APOL3: variants seen among roughly 807,000 people sequenced by gnomAD.
The protein encoded by APOL3 is apolipoprotein L3.
In APOL3, 14 loss-of-function variants were observed where a neutral mutation model predicts 11.6. The ratio of observed to expected loss-of-function variants is 1.21; its 90% CI spans 0.80 to 1.89. The LOEUF (loss-of-function observed/expected upper bound fraction) is 1.89, where lower values mean the gene tolerates loss of function less well. APOL3 is among the 40% of genes most tolerant of loss of function. The pLI is 0.00. For synonymous variants in APOL3, 192 were observed against 190.6 expected (o/e 1.01, Z -0.06); for missense variants, 483 against 492.1 (o/e 0.98, Z 0.17).
At chr22:36,155,709 TG>T in intron 1 of APOL3, 1 of 162,150 alleles carries the variant, frequency 6.2e-6, no homozygotes, top group Non-Finnish European at 1.4e-5. Flanking sequence ...CAGAGAGAGC[TG>T]GGGCCTCAGA....
Position 36,141,957 on chromosome 22 carries a change from C to T in APOL3, c.452G>A (p.Trp151Ter). The stretch of plus-strand genomic sequence containing the variant: ...GACTTGGGGAAACTCTTTCAAAAAC[C>T]ATTCCCTAAACTGCTCATCTTTCTG... Residue 151 changes from tryptophan to a stop codon, truncating the protein, a stop_gained, in exon 3 of 3, where the codon TGG becomes TAG. Transcript: ENST00000349314. LOFTEE classifies it low-confidence loss of function (END_TRUNC). 1 of 1,614,232 alleles carries T rather than the reference C, an allele frequency of 6.2e-7. No individual in the cohort carries two copies. Among genetic ancestry groups the T allele is most frequent in the Non-Finnish European group, 8.5e-7 (1 of 1,180,044 alleles).
At chr22:36,141,862 C>T (rs1378392201) in exon 3 of APOL3, 3 of 1,614,222 alleles carry the variant, frequency 1.9e-6, no homozygotes, top group Non-Finnish European at 8.5e-7. Context: ...ATGGTGCAGC[C>T]TCTGTGGACC....
At chr22:36,162,047 T>C (rs913551033), upstream of APOL3, among the ~76,000 whole-genome samples, 9 of 152,222 alleles carry the variant, frequency 5.9e-5, no homozygotes, top group African/African-American at 2.2e-4. Flanking sequence ...ACATCCCGCA[T>C]TCATGATAAA....
At chr22:36,160,605 C>A (rs560117183) in intron 1 of APOL3, 64 bp downstream of exon 1, 1 of 1,544,264 alleles carries the variant, frequency 6.5e-7, no homozygotes, top group Non-Finnish European at 8.9e-7. Context: ...GGTGAATGAC[C>A]CTTCTCTTAT....
intron 2 of APOL3, among the ~76,000 whole-genome samples, chr22:36,143,756 A>G (rs80576): frequency 0.89 from 136,014 of 152,254 alleles, 61,028 homozygotes; most frequent in East Asian, 0.99. Flanking sequence ...GTCACATGTC[A>G]CCAGCCAAAC....
chr22:36,153,619 C>T (rs2012202561), intron 1 of APOL3, among the ~76,000 whole-genome samples: 1 of 152,168 alleles, frequency 6.6e-6, no homozygotes, highest in African/African-American at 2.4e-5. Context: ...ATATGTGTTA[C>T]CCCAGAAAGC....
intron 1 of APOL3, among the ~76,000 whole-genome samples, chr22:36,150,419 G>T (rs1385472523): frequency 6.6e-6 from 1 of 152,040 alleles, no homozygotes; most frequent in Non-Finnish European, 1.5e-5. Context: ...CTATTAAGTG[G>T]GTACCATTTG....
exon 3 of APOL3, chr22:36,141,681 G>A (rs768889732): frequency 2.5e-6 from 4 of 1,614,042 alleles, no homozygotes; most frequent in Non-Finnish European, 3.4e-6. Flanking sequence ...TGATGTGTAT[G>A]AGTGCTCCAC....
At chr22:36,161,861 G>A (rs1248309694), upstream of APOL3, among the ~76,000 whole-genome samples, 7 of 152,264 alleles carry the variant, frequency 4.6e-5, no homozygotes, top group Non-Finnish European at 8.8e-5. Context: ...AAAAAGGTGG[G>A]GGGGTGATTG....
At chr22:36,161,885 A>C (rs1318424670), upstream of APOL3, among the ~76,000 whole-genome samples, 1 of 152,094 alleles carries the variant, frequency 6.6e-6, no homozygotes, top group African/African-American at 2.4e-5. Flanking sequence ...GGTAATTGTC[A>C]GTCAGCCGTT....
At chr22:36,162,805 A>G (rs1157170404), upstream of APOL3, among the ~76,000 whole-genome samples, 1 of 152,182 alleles carries the variant, frequency 6.6e-6, no homozygotes, top group African/African-American at 2.4e-5. Context: ...TCCTGGTAAT[A>G]TCTTAGTGCT....
At chr22:36,143,961 C>A (rs903503755) in intron 2 of APOL3, among the ~76,000 whole-genome samples, 3 of 152,150 alleles carry the variant, frequency 2.0e-5, no homozygotes, top group African/African-American at 7.2e-5. Flanking sequence ...CTCCTGAGAA[C>A]CCTTCAAATT....
chr22:36,157,118 T>C, intron 1 of APOL3: 2 of 422,718 alleles, frequency 4.7e-6, no homozygotes, highest in South Asian at 3.3e-5. Context: ...CCAGTCTTAT[T>C]ACTTTTGTAC....
chr22:36,161,675 T>G (rs2013702856), upstream of APOL3: 1 of 152,390 alleles, frequency 6.6e-6, no homozygotes, highest in South Asian at 2.1e-4. Flanking sequence ...GTTAGGCTGT[T>G]GTAATTGGCC....
At chr22:36,160,130 G>A (rs1342891416) in intron 1 of APOL3, among the ~76,000 whole-genome samples, 3 of 152,128 alleles carry the variant, frequency 2.0e-5, no homozygotes, top group East Asian at 1.9e-4. Flanking sequence ...TGATCTACCC[G>A]TCTCGGCCTC....
chr22:36,140,397 C>G (rs1389954955), exon 3 of APOL3: 2 of 152,234 alleles, frequency 1.3e-5, no homozygotes. Flanking sequence ...AGAGATCCGG[C>G]CTCCCCCAGT....
intron 1 of APOL3, chr22:36,146,116 C>T (rs1335546433): frequency 6.6e-6 from 1 of 152,366 alleles, no homozygotes; most frequent in Non-Finnish European, 1.5e-5. Flanking sequence ...CCTCCCCAGA[C>T]ATCAACCCTG....
chr22:36,148,009 CA>C (rs1290542527), intron 1 of APOL3, among the ~76,000 whole-genome samples: 1 of 152,162 alleles, frequency 6.6e-6, no homozygotes, highest in African/African-American at 2.4e-5. Context: ...CAAGGTAAAC[CA>C]AAAAACATAA....
At chr22:36,162,664 A>G (rs1051764638), upstream of APOL3, among the ~76,000 whole-genome samples, 3 of 152,000 alleles carry the variant, frequency 2.0e-5, no homozygotes, top group Admixed American at 6.5e-5. Context: ...GCTTCAATAC[A>G]CTTTGCTTTG....
Sources: gnomAD v4.1 joint callset for allele counts (sites outside exome capture counted in the v4.1 genomes callset) on GRCh38, gnomAD v4.1.1 for gene constraint, MANE v1.5 for transcripts, NCBI Gene and HGNC (gene_info 2026-07-23, HGNC 2026-07-21) for gene names.